Variants in ST3GAL2 observed in about 807,000 individuals in gnomAD.
The protein encoded by ST3GAL2 is CMP-N-acetylneuraminate-beta-galactosamide-alpha-2,3-sialyltransferase 2.
ST3GAL2 carries 16 observed loss-of-function variants against 37.5 expected under a neutral mutation model. That is an observed-to-expected ratio of 0.43 (90% confidence interval 0.29 to 0.65). The LOEUF (loss-of-function observed/expected upper bound fraction) is 0.65. Ranked by LOEUF, ST3GAL2 falls within the 30% of genes least tolerant of loss-of-function variation. The probability of loss-of-function intolerance (pLI) is 0.17; values close to 1 mark genes in which losing one functional copy is unlikely to be tolerated. For missense variants in ST3GAL2, 383 were observed against 487.8 expected, an observed-to-expected ratio of 0.79 and a Z score of 2.02; for synonymous variants, 238 against 202.9, an observed-to-expected ratio of 1.17 and a Z score of -1.47.
At chr16:70,389,442 C>G (rs941349873) in intron 3 of ST3GAL2, among the ~76,000 whole-genome samples, 1 of 150,894 alleles carries the variant, frequency 6.6e-6, no homozygotes, top group South Asian at 2.1e-4. Context: ...CCTCAGTAGA[C>G]GGGACTACAA....
At chr16:70,436,480 T>C (rs1263882268) in intron 1 of ST3GAL2, among the ~76,000 whole-genome samples, 1 of 150,042 alleles carries the variant, frequency 6.7e-6, no homozygotes, top group Non-Finnish European at 1.5e-5. Context: ...AAAAAAGACT[T>C]CGCATCTGCT....
chr16:70,424,653 T>C (rs897050896), intron 1 of ST3GAL2, among the ~76,000 whole-genome samples: 1 of 152,044 alleles, frequency 6.6e-6, no homozygotes, highest in Non-Finnish European at 1.5e-5. Context: ...GCCAATGAAA[T>C]GGAAAATGGT....
rs146602197 is a variant in ST3GAL2 at position 70,383,270 on chromosome 16, G to C, written c.714-35C>G. On this transcript the variant is annotated intron_variant, in intron 4 of 6. Transcript: ENST00000342907. Reference sequence around the variant, plus strand: ...AAAAGAAAGAAAGATAACATTTCAGGCTGGGCACGGTGGCTCACACCTGTA... The same window carrying C: ...AAAAGAAAGAAAGATAACATTTCAGCCTGGGCACGGTGGCTCACACCTGTA... 21 of 1,589,582 alleles carry C rather than the reference G, an allele frequency of 1.3e-5. No homozygotes were observed. The African/African-American group carries it at 2.8e-4, about 22-fold the overall frequency.
At chr16:70,406,056 G>C (rs183161321) in intron 1 of ST3GAL2, among the ~76,000 whole-genome samples, 1 of 149,440 alleles carries the variant, frequency 6.7e-6, no homozygotes, top group Non-Finnish European at 1.5e-5. Context: ...GCAGGACTCC[G>C]TCTCAAAAAA....
At chr16:70,415,249 T>C (rs2047667860) in intron 1 of ST3GAL2, among the ~76,000 whole-genome samples, 1 of 150,774 alleles carries the variant, frequency 6.6e-6, no homozygotes. Flanking sequence ...CTGTTAGGGA[T>C]GAGCTGCCCC....
intron 1 of ST3GAL2, among the ~76,000 whole-genome samples, chr16:70,421,463 T>C (rs895020803): frequency 2.6e-5 from 4 of 152,184 alleles, no homozygotes; most frequent in African/African-American, 9.6e-5. Flanking sequence ...ATAAGCTCCC[T>C]GCCAAGACAA....
chr16:70,407,607 C>T (rs960105664), intron 1 of ST3GAL2, among the ~76,000 whole-genome samples: 1 of 152,216 alleles, frequency 6.6e-6, no homozygotes, highest in African/African-American at 2.4e-5. Context: ...TTGAAGACCC[C>T]GCCTTCCATC....
At chr16:70,426,801 C>T (rs973576259) in intron 1 of ST3GAL2, among the ~76,000 whole-genome samples, 11 of 152,168 alleles carry the variant, frequency 7.2e-5, no homozygotes, top group South Asian at 4.1e-4. Context: ...TGAGCCACCG[C>T]GCCTGGCCCA....
chr16:70,433,693 C>A (rs1243575849), intron 1 of ST3GAL2, among the ~76,000 whole-genome samples: 2 of 152,210 alleles, frequency 1.3e-5, no homozygotes, highest in African/African-American at 4.8e-5. Context: ...TTGGTTCCTG[C>A]TGCACCCACT....
chr16:70,398,617 G>A lies in ST3GAL2; in HGVS notation c.-87C>T. The A allele has an allele frequency of 7.6e-7, 1 of 1,321,946 alleles. No individual in the cohort carries two copies. The allele number at this position is 1,321,946 out of a possible 1,614,324, so 81.9% of individuals were successfully genotyped here. A position where few individuals can be genotyped will look rare whatever the true frequency, so the allele number is the denominator to read the frequency against. ...GCCACGGCGTAGCCTGCCTATTCTGGCACCACATGCAAAGGGCATAGGGGC... is the reference window on the plus strand; with the variant it reads ...GCCACGGCGTAGCCTGCCTATTCTGACACCACATGCAAAGGGCATAGGGGC... On this transcript the variant is annotated 5_prime_UTR_variant, in exon 2 of 7. Coordinates refer to ENST00000342907, the MANE Select transcript of ST3GAL2 (RefSeq NM_006927.4).
intron 6 of ST3GAL2, among the ~76,000 whole-genome samples, chr16:70,382,078 G>A (rs2047410419): frequency 7.2e-6 from 1 of 138,598 alleles, no homozygotes; most frequent in Non-Finnish European, 1.5e-5. Flanking sequence ...TTTTAATGGA[G>A]TACTTTGATC....
At chr16:70,408,560 T>C (rs752386214) in intron 1 of ST3GAL2, among the ~76,000 whole-genome samples, 76 of 152,070 alleles carry the variant, frequency 5.0e-4, no homozygotes, top group Non-Finnish European at 6.2e-4. Context: ...CACCCTGGTA[T>C]CAGCCTCTGG....
intron 3 of ST3GAL2, among the ~76,000 whole-genome samples, chr16:70,393,418 G>A (rs1200234416): frequency 6.6e-6 from 1 of 152,162 alleles, no homozygotes; most frequent in African/African-American, 2.4e-5. Flanking sequence ...GACAGTACCG[G>A]CCAGATGACT....
At chr16:70,411,631 A>C (rs1392540866) in intron 1 of ST3GAL2, among the ~76,000 whole-genome samples, 3 of 152,090 alleles carry the variant, frequency 2.0e-5, no homozygotes, top group Non-Finnish European at 4.4e-5. Context: ...TCTTGTTATA[A>C]ACTAATCCAG....
intron 1 of ST3GAL2, among the ~76,000 whole-genome samples, chr16:70,423,772 G>A (rs1359239971): frequency 1.3e-5 from 2 of 150,766 alleles, no homozygotes; most frequent in African/African-American, 4.9e-5. Flanking sequence ...CACCTCCTGG[G>A]TTAAAGCGAT....
chr16:70,427,044 TC>T (rs2047756730), intron 1 of ST3GAL2, among the ~76,000 whole-genome samples: 1 of 152,092 alleles, frequency 6.6e-6, no homozygotes, highest in Non-Finnish European at 1.5e-5. Flanking sequence ...CGACATGGTC[TC>T]CCTATGTTTC....
At chr16:70,395,746 T>C (rs2047511479) in intron 2 of ST3GAL2, among the ~76,000 whole-genome samples, 1 of 152,008 alleles carries the variant, frequency 6.6e-6, no homozygotes, top group South Asian at 2.1e-4. Context: ...TCAAAGACCA[T>C]GAAACGAGGC....
chr16:70,405,235 G>C (rs1050241150), intron 1 of ST3GAL2, among the ~76,000 whole-genome samples: 1 of 152,138 alleles, frequency 6.6e-6, no homozygotes, highest in African/African-American at 2.4e-5. Flanking sequence ...TGAAAACCCT[G>C]TGCTAAGTGA....
intron 3 of ST3GAL2, among the ~76,000 whole-genome samples, chr16:70,389,605 C>T (rs1228243960): frequency 1.3e-5 from 2 of 152,036 alleles, no homozygotes; most frequent in Admixed American, 6.6e-5. Context: ...GCTGGGATTA[C>T]AGGCGTTAGC....
Sources: allele counts gnomAD v4.1 joint callset (sites outside exome capture counted in the v4.1 genomes callset), GRCh38; gene constraint gnomAD v4.1.1; transcripts MANE v1.5; gene names NCBI Gene and HGNC (gene_info 2026-07-23, HGNC 2026-07-21).